Variants in MNAT1 observed in about 807,000 individuals in gnomAD.
MNAT1 encodes CDK-activating kinase assembly factor MAT1.
Under a neutral mutation model 42.0 loss-of-function variants are expected in MNAT1, and 43 were observed. The ratio of observed to expected loss-of-function variants is 1.02; its 90% CI spans 0.80 to 1.32. The LOEUF is 1.32. Ranked by LOEUF, MNAT1 falls within the 40% of genes most tolerant of loss-of-function variation. The probability of loss-of-function intolerance (pLI) is 0.00; values close to 1 mark genes in which losing one functional copy is unlikely to be tolerated. For missense variants in MNAT1, 306 were observed against 350.4 expected (o/e 0.87, Z 1.01); for synonymous variants, 118 against 120.0 (o/e 0.98, Z 0.11).
At chr14:60,829,465 T>C (rs1239905995) in intron 6 of MNAT1, among the ~76,000 whole-genome samples, 1 of 152,200 alleles carries the variant, frequency 6.6e-6, no homozygotes, top group Non-Finnish European at 1.5e-5. Flanking sequence ...TTATACTCTA[T>C]GAGTTTTATG....
At chr14:60,796,981 A>T (rs2300473) in intron 2 of MNAT1, among the ~76,000 whole-genome samples, 142,348 of 152,044 alleles carry the variant, frequency 0.94, 66,911 homozygotes, top group Non-Finnish European at 0.98. Flanking sequence ...GGGCATAGTA[A>T]ATATATGTGT....
chr14:60,927,063 G>A (rs1471184187), intron 7 of MNAT1, among the ~76,000 whole-genome samples: 1 of 152,204 alleles, frequency 6.6e-6, no homozygotes, highest in Non-Finnish European at 1.5e-5. Flanking sequence ...GCCAGGGACT[G>A]TGGGCAAAGA....
At chr14:60,892,381 T>G (rs2034864807) in intron 7 of MNAT1, among the ~76,000 whole-genome samples, 1 of 152,148 alleles carries the variant, frequency 6.6e-6, no homozygotes, top group South Asian at 2.1e-4. Flanking sequence ...GTTGAAAATC[T>G]GTTTTGCCTC....
chr14:60,931,945 A>C (rs1487455710), intron 7 of MNAT1, among the ~76,000 whole-genome samples: 1 of 152,012 alleles, frequency 6.6e-6, no homozygotes, highest in African/African-American at 2.4e-5. Flanking sequence ...TTTGAGAATT[A>C]AGTGTGTTAT....
At chr14:60,764,710 C>A (rs143356141) in intron 1 of MNAT1, among the ~76,000 whole-genome samples, 2,818 of 152,260 alleles carry the variant, frequency 0.019, 65 homozygotes, top group South Asian at 0.051. Context: ...TCAGTGAAAT[C>A]TCTTCTGGAA....
intron 7 of MNAT1, among the ~76,000 whole-genome samples, chr14:60,896,938 C>G (rs554740263): frequency 6.6e-6 from 1 of 152,184 alleles, no homozygotes; most frequent in African/African-American, 2.4e-5. Flanking sequence ...TGTACTCCAG[C>G]AGATAAAGAT....
rs143147044 is a variant in MNAT1 at position 60,872,175 on chromosome 14, C to T, written c.688-7539C>T. 1.8e-3 allele frequency among the ~76,000 whole-genome samples: 267 copies of T among 152,108 alleles called. 1 individual carries two copies. The highest frequency in any genetic ancestry group is 6.1e-3 in the African/African-American group (253 of 41,492). On this transcript the variant is annotated intron_variant, in intron 6 of 7. Coordinates refer to ENST00000261245, the MANE Select transcript of MNAT1 (RefSeq NM_002431.4). ...GGATGGCACAGGGGGAGCAGGCACA[C>T]GTGGCAAGAGAGGGAGCAAGAGAGA... is the stretch of plus-strand genomic sequence containing the variant.
At chr14:60,735,441 T>G (rs1345706039) in intron 1 of MNAT1, among the ~76,000 whole-genome samples, 2 of 152,166 alleles carry the variant, frequency 1.3e-5, no homozygotes, top group Non-Finnish European at 2.9e-5. Flanking sequence ...TCGGTTAGAC[T>G]CCCATCACTA....
At chr14:60,803,085 C>T (rs1464329596) in intron 3 of MNAT1, among the ~76,000 whole-genome samples, 2 of 151,878 alleles carry the variant, frequency 1.3e-5, no homozygotes, top group Non-Finnish European at 2.9e-5. Context: ...GCGCCCACCA[C>T]CATGCCTGGC....
Position 60,930,206 on chromosome 14 carries a change from TTTATTATTA to T in MNAT1, c.810-37990_810-37982del, listed in dbSNP as rs71114168. On this transcript the variant is annotated intron_variant, in intron 7 of 7. Coordinates refer to ENST00000261245, the MANE Select transcript of MNAT1 (RefSeq NM_002431.4). ...TATTACTAAAGATTCTTCTTCCGTC[TTTATTATTA>T]TTATTATTATTATTATTATTATTAT... is the stretch of plus-strand genomic sequence containing the variant. 2.8e-3 allele frequency among the ~76,000 whole-genome samples: 384 copies of T among 138,736 alleles called. 3 individuals carry two copies. The highest frequency in any genetic ancestry group is 7.0e-3 in the African/African-American group (265 of 37,940). The allele number at this position is 138,736 out of a possible 152,430, so 91.0% of individuals were successfully genotyped here.
At chr14:60,741,864 G>T in intron 1 of MNAT1, among the ~76,000 whole-genome samples, 1 of 151,778 alleles carries the variant, frequency 6.6e-6, no homozygotes, top group Non-Finnish European at 1.5e-5. Flanking sequence ...CTACTTCACT[G>T]GGTCTTGCCA....
At chr14:60,806,376 T>G (rs1027676052) in intron 3 of MNAT1, among the ~76,000 whole-genome samples, 5 of 152,130 alleles carry the variant, frequency 3.3e-5, no homozygotes, top group African/African-American at 1.2e-4. Flanking sequence ...ATGAGCCCTA[T>G]GGGTAGGGAA....
At chr14:60,778,033 C>T (rs1951110) in intron 1 of MNAT1, among the ~76,000 whole-genome samples, 141,323 of 152,204 alleles carry the variant, frequency 0.93, 66,093 homozygotes, top group Non-Finnish European at 0.99. Flanking sequence ...CTGGGTCTAA[C>T]TTGGTGATAG....
intron 7 of MNAT1, among the ~76,000 whole-genome samples, chr14:60,954,880 T>G (rs946454439): frequency 6.6e-6 from 1 of 152,180 alleles, no homozygotes; most frequent in African/African-American, 2.4e-5. Context: ...CTTTATTGTG[T>G]TGAGGTACAT....
chr14:60,929,751 C>G (rs1000945749), intron 7 of MNAT1, among the ~76,000 whole-genome samples: 6 of 152,070 alleles, frequency 3.9e-5, no homozygotes, highest in Non-Finnish European at 8.8e-5. Flanking sequence ...TGTTTGTTAA[C>G]TCTGAGGAAT....
At chr14:60,871,205 A>G (rs1348802239) in intron 6 of MNAT1, among the ~76,000 whole-genome samples, 1 of 152,182 alleles carries the variant, frequency 6.6e-6, no homozygotes, top group Non-Finnish European at 1.5e-5. Flanking sequence ...GGACATTTAG[A>G]TTGTTTCCAC....
Position 60,798,146 on chromosome 14 carries a change from A to C in MNAT1, c.302A>C (p.Glu101Ala). 1 of 1,509,572 alleles carries C rather than the reference A, an allele frequency of 6.6e-7. No individual in the cohort carries two copies. Among genetic ancestry groups the C allele is most frequent in the Non-Finnish European group, 9.2e-7 (1 of 1,087,748 alleles). 93.5% of individuals were successfully genotyped at this position (1,509,572 alleles called of 1,614,324 possible). The part of the protein sequence containing the change: ...SLREYNDFLE[E>A]VEEIVFNLTN... ...AGAGAATACAATGATTTCTTGGAAG[A>C]AGTGGAAGAAATTGGTACGTTTTTA... The change falls in exon 3 of 8, where the codon GAA becomes GCA. Residue 101 changes from glutamate (E) to alanine (A), a missense_variant. Around this residue, in one of 3 missense-constraint regions of MNAT1, gnomAD observed 118 missense variants for 99.8 expected, o/e 1.18. Transcript: ENST00000261245.
intron 6 of MNAT1, among the ~76,000 whole-genome samples, chr14:60,844,631 A>G (rs2033638056): frequency 6.6e-6 from 1 of 151,966 alleles, no homozygotes; most frequent in Non-Finnish European, 1.5e-5. Flanking sequence ...CAATTGTGTT[A>G]ACTGCATTTA....
chr14:60,874,532 C>T (rs1002224655), intron 6 of MNAT1, among the ~76,000 whole-genome samples: 1 of 151,974 alleles, frequency 6.6e-6, no homozygotes, highest in African/African-American at 2.4e-5. Flanking sequence ...CTATCTTTTT[C>T]TCCCCCTTGA....
Sources: gnomAD v4.1 joint callset for allele counts (sites outside exome capture counted in the v4.1 genomes callset) on GRCh38, gnomAD v4.1.1 for gene constraint, gnomAD v4.1.1 regional missense constraint, MANE v1.5 for transcripts, NCBI Gene and HGNC (gene_info 2026-07-23, HGNC 2026-07-21) for gene names.